Variants in CACNB4 observed in about 807,000 individuals in gnomAD.
The protein encoded by CACNB4 is voltage-dependent L-type calcium channel subunit beta-4.
A neutral mutation model predicts 71.2 loss-of-function variants in CACNB4; 32 were observed. That is an observed-to-expected ratio of 0.45 (90% CI 0.34 to 0.60). CACNB4 has a LOEUF of 0.60. Among genes scored for constraint, CACNB4 ranks in the 20% least tolerant of loss-of-function variants. CACNB4 has a pLI of 0.01. For missense variants in CACNB4, 464 were observed against 647.9 expected, an observed-to-expected ratio of 0.72 and a Z score of 3.08; for synonymous variants, 231 against 236.9, an observed-to-expected ratio of 0.97 and a Z score of 0.23.
intron 2 of CACNB4, among the ~76,000 whole-genome samples, chr2:152,018,352 G>T (rs968852175): frequency 3.9e-5 from 6 of 152,018 alleles, no homozygotes; most frequent in African/African-American, 1.4e-4. Flanking sequence ...GGGAGCATCA[G>T]GGTTGAGACC....
At chr2:151,967,074 G>T (rs1296157438) in intron 2 of CACNB4, 2 of 138,946 alleles carry the variant, frequency 1.4e-5, no homozygotes, top group African/African-American at 2.8e-5. Context: ...TTGAGACAGG[G>T]TCTCATTCTG....
Position 151,999,955 on chromosome 2 carries a change from C to A in CACNB4, c.147+98375G>T, listed in dbSNP as rs755453268. Among the ~76,000 whole-genome samples the A allele has an allele frequency of 4.7e-4, 72 of 152,238 alleles. 1 individual carries two copies. The highest frequency in any genetic ancestry group is 1.6e-4 in the Non-Finnish European group (11 of 68,048). ...TTAATCAAAGGAATTTGAAAGCCAT[C>A]TGAGCAAACTTTGTTGACTGAAATG... On this transcript the variant is annotated intron_variant, in intron 2 of 13. Transcript: ENST00000539935.
chr2:151,998,855 A>G (rs990339712), intron 2 of CACNB4, among the ~76,000 whole-genome samples: 9 of 152,110 alleles, frequency 5.9e-5, no homozygotes, highest in African/African-American at 2.2e-4. Flanking sequence ...AGGTCTCCCA[A>G]TGGATGTCTG....
intron 2 of CACNB4, among the ~76,000 whole-genome samples, chr2:151,983,037 C>T (rs1031082250): frequency 3.3e-5 from 5 of 152,312 alleles, no homozygotes; most frequent in Middle Eastern, 3.4e-3. Context: ...CTGCAAATCT[C>T]CACCTAAACC....
intron 2 of CACNB4, among the ~76,000 whole-genome samples, chr2:151,940,580 G>T (rs2151630009): frequency 6.6e-6 from 1 of 152,262 alleles, no homozygotes; most frequent in East Asian, 1.9e-4. Context: ...TTAAGTCTCA[G>T]GTTCAACATA....
intron 4 of CACNB4, 148 bp downstream of exon 4, chr2:151,880,652 G>T: frequency 1.4e-6 from 1 of 740,126 alleles, no homozygotes; most frequent in Non-Finnish European, 2.3e-6. Flanking sequence ...ATCTTAATGA[G>T]AATGACTAGA....
chr2:151,856,876 C>T (rs986641316), intron 10 of CACNB4: 3 of 151,964 alleles, frequency 2.0e-5, no homozygotes, highest in African/African-American at 7.3e-5. Flanking sequence ...CTGTGCCTGG[C>T]TAAATTTTTT....
chr2:151,849,788 T>G (rs893375916), intron 12 of CACNB4, among the ~76,000 whole-genome samples: 1 of 152,182 alleles, frequency 6.6e-6, no homozygotes, highest in Non-Finnish European at 1.5e-5. Flanking sequence ...GGCCATTGTT[T>G]GAAGTGACTG....
At position 152,098,564 on chromosome 2, in the gene CACNB4, G is replaced by GCCCCCCCCCCCCCCCCCCCCCCCCCCC; in HGVS notation, c.64-152_64-151insGGGGGGGGGGGGGGGGGGGGGGGGGGG. 1.1e-6 allele frequency: 1 copy of GCCCCCCCCCCCCCCCCCCCCCCCCCCC among 931,262 alleles called. No homozygotes were observed. 57.7% of individuals were successfully genotyped at this position (931,262 alleles called of 1,614,324 possible). A position where few individuals can be genotyped will look rare whatever the true frequency, so the allele number is the denominator to read the frequency against. ...GTCTCCTCCGCGACTCCCAAATACA[G>GCCCCCCCCCCCCCCCCCCCCCCCCCCC]CCCCCACCCCCACCCACCCACTGCA... On this transcript the variant is annotated intron_variant, in intron 1 of 13. Transcript: ENST00000539935. This position sits in a 1 kb window ranked among gnomAD's most constrained non-coding sequence, Gnocchi z 5.3.
chr2:151,940,768 A>G (rs1352811237), intron 2 of CACNB4, among the ~76,000 whole-genome samples: 1 of 152,354 alleles, frequency 6.6e-6, no homozygotes, highest in Admixed American at 6.5e-5. Context: ...CCTTTGCCAA[A>G]TGGTGGTATG....
intron 2 of CACNB4, among the ~76,000 whole-genome samples, chr2:151,958,720 A>G (rs1230314428): frequency 6.6e-6 from 1 of 152,106 alleles, no homozygotes; most frequent in African/African-American, 2.4e-5. Context: ...CACCTGTACT[A>G]TTTCCACAGC....
At chr2:151,935,129 T>G (rs2099862600) in intron 2 of CACNB4, among the ~76,000 whole-genome samples, 1 of 152,240 alleles carries the variant, frequency 6.6e-6, no homozygotes, top group African/African-American at 2.4e-5. Flanking sequence ...GTAGAACTCT[T>G]AGAACCATTA....
chr2:151,895,096 CCACACACACACACACACA>C (rs58504924), intron 2 of CACNB4, among the ~76,000 whole-genome samples: 1 of 22,288 alleles, frequency 4.5e-5, no homozygotes, highest in Non-Finnish European at 2.7e-4. Context: ...TCAAATAGCC[CCACACACACACACACACA>C]CACACACACA....
At chr2:152,066,180 G>A (rs147042970) in intron 2 of CACNB4, among the ~76,000 whole-genome samples, 128 of 152,214 alleles carry the variant, frequency 8.4e-4, no homozygotes, top group African/African-American at 3.0e-3. Flanking sequence ...TAATCAGACA[G>A]CACCTTGCCT....
intron 2 of CACNB4, among the ~76,000 whole-genome samples, chr2:152,034,973 G>T (rs1171345171): frequency 6.6e-6 from 1 of 152,166 alleles, no homozygotes; most frequent in Non-Finnish European, 1.5e-5. Flanking sequence ...AAAAGTATTG[G>T]CAGTGGTTGA....
chr2:151,957,257 C>CGTGTATGTGTGTGTGTGTGT (rs3068823), intron 2 of CACNB4, among the ~76,000 whole-genome samples: 1,363 of 131,858 alleles, frequency 0.01, 76 homozygotes, highest in Non-Finnish European at 0.015. Context: ...AGTGGCTGGG[C>CGTGTATGTGTGTGTGTGTGT]GTGTGTGTGT....
At chr2:152,046,983 CT>C (rs1195589090) in intron 2 of CACNB4, among the ~76,000 whole-genome samples, 1 of 152,162 alleles carries the variant, frequency 6.6e-6, no homozygotes, top group Non-Finnish European at 1.5e-5. Flanking sequence ...AGGGATCCCT[CT>C]TAGGGGCCTC....
chr2:152,088,305 A>G (rs1409144071), intron 2 of CACNB4, among the ~76,000 whole-genome samples: 1 of 152,210 alleles, frequency 6.6e-6, no homozygotes, highest in African/African-American at 2.4e-5. Context: ...GGGCCATTTA[A>G]GAAGAAAAAA....
rs1682636972 is a variant in CACNB4 at position 152,004,880 on chromosome 2, GTC to G, written c.147+93448_147+93449del. On this transcript the variant is annotated intron_variant, in intron 2 of 13. Coordinates refer to ENST00000539935, the MANE Select transcript of CACNB4 (RefSeq NM_000726.5). The stretch of plus-strand genomic sequence containing the variant: ...AGGCAGAGCCACAGCGGCGTTTCTT[GTC>G]TGTTTCTCTTTCTTAAGGAGCACTG... Among the ~76,000 whole-genome samples, 3 of 152,094 alleles carry G rather than the reference GTC, an allele frequency of 2.0e-5. 1 individual carries two copies. The highest frequency in any genetic ancestry group is 1.3e-4 in the Admixed American group (2 of 15,270).
Sources: allele counts gnomAD v4.1 joint callset (sites outside exome capture counted in the v4.1 genomes callset), GRCh38; gene constraint gnomAD v4.1.1; non-coding constraint Gnocchi (gnomAD v3.1); transcripts MANE v1.5; gene names NCBI Gene and HGNC (gene_info 2026-07-23, HGNC 2026-07-21).